The following PSD3 variants were observed in gnomAD, a reference collection of about 807,000 sequenced individuals.
PSD3 encodes pleckstrin and Sec7 domain containing 3.
A neutral mutation model predicts 105.5 loss-of-function variants in PSD3; 49 were observed. The ratio of observed to expected loss-of-function variants is 0.46; its 90% CI spans 0.37 to 0.59. PSD3 has a LOEUF of 0.59. PSD3 is among the 20% of genes least tolerant of loss of function. The pLI, the probability that PSD3 is intolerant of heterozygous loss-of-function variation, is 0.00. For missense variants in PSD3, 1,561 were observed against 1,263.8 expected, an observed-to-expected ratio of 1.24 and a Z score of -3.57; for synonymous variants, 557 against 457.8, an observed-to-expected ratio of 1.22 and a Z score of -2.77.
chr8:19,043,737 TC>T (rs1308347035), intron 1 of PSD3, among the ~76,000 whole-genome samples: 1 of 152,090 alleles, frequency 6.6e-6, no homozygotes, highest in Non-Finnish European at 1.5e-5. Flanking sequence ...TTTTGCCATT[TC>T]CCCTTTTGCC....
chr8:18,723,558 A>T (rs1267084695), intron 9 of PSD3, among the ~76,000 whole-genome samples: 4 of 152,186 alleles, frequency 2.6e-5, no homozygotes, highest in African/African-American at 9.7e-5. Context: ...CATATGACAG[A>T]GTTCCCTTTC....
intron 9 of PSD3, among the ~76,000 whole-genome samples, chr8:18,713,406 C>T (rs370176157): frequency 6.6e-6 from 1 of 152,170 alleles, no homozygotes; most frequent in East Asian, 1.9e-4. Flanking sequence ...TGAAAAGCTT[C>T]TTTACCTGAT....
chr8:18,651,516 C>T (rs923530748), intron 10 of PSD3, among the ~76,000 whole-genome samples: 1 of 152,184 alleles, frequency 6.6e-6, no homozygotes, highest in Admixed American at 6.5e-5. Context: ...CTTTCTATAG[C>T]CTTTTATGGA....
chr8:19,062,417 G>T (rs1035668109), intron 1 of PSD3, among the ~76,000 whole-genome samples: 1 of 152,116 alleles, frequency 6.6e-6, no homozygotes, highest in Non-Finnish European at 1.5e-5. Flanking sequence ...TTGCAGATGA[G>T]GAAACTGAAA....
chr8:19,075,859 C>T (rs755642385), intron 1 of PSD3, among the ~76,000 whole-genome samples: 8 of 151,956 alleles, frequency 5.3e-5, no homozygotes, highest in Non-Finnish European at 1.0e-4. Context: ...TATAAAGGAC[C>T]CAGAGAAACA....
At chr8:18,706,524 AAAG>A (rs941840455) in intron 9 of PSD3, among the ~76,000 whole-genome samples, 1 of 152,250 alleles carries the variant, frequency 6.6e-6, no homozygotes, top group African/African-American at 2.4e-5. Flanking sequence ...TTTGTCAGCC[AAAG>A]AAGATTAGCA....
chr8:18,600,197 T>G (rs2130567859), intron 12 of PSD3, among the ~76,000 whole-genome samples, 167 bp downstream of exon 12: 1 of 152,300 alleles, frequency 6.6e-6, no homozygotes, highest in African/African-American at 2.4e-5. Flanking sequence ...AACTTAAAAC[T>G]TAAAATCGTT....
At chr8:18,820,236 T>G (rs1051037390) in intron 4 of PSD3, among the ~76,000 whole-genome samples, 15 of 151,314 alleles carry the variant, frequency 9.9e-5, no homozygotes, top group Non-Finnish European at 1.6e-4. Flanking sequence ...TGGCATATTC[T>G]TTTCTGGCAG....
chr8:18,571,729 A>G (rs1431642376), intron 14 of PSD3, among the ~76,000 whole-genome samples: 1 of 152,204 alleles, frequency 6.6e-6, no homozygotes, highest in Non-Finnish European at 1.5e-5. Flanking sequence ...TATGATATCA[A>G]AGATGTATAG....
intron 1 of PSD3, among the ~76,000 whole-genome samples, chr8:19,082,374 C>A (rs1315182229): frequency 6.6e-6 from 1 of 152,174 alleles, no homozygotes; most frequent in Non-Finnish European, 1.5e-5. Flanking sequence ...CTACTGAGGG[C>A]CCCTTTCACT....
intron 2 of PSD3, among the ~76,000 whole-genome samples, chr8:18,912,351 A>G (rs1377301386): frequency 6.6e-6 from 1 of 152,202 alleles, no homozygotes; most frequent in Non-Finnish European, 1.5e-5. Context: ...CACAATGTTA[A>G]CCGCTACTGA....
intron 1 of PSD3, among the ~76,000 whole-genome samples, chr8:18,994,633 T>C (rs183989563): frequency 1.7e-3 from 266 of 152,134 alleles, no homozygotes; most frequent in African/African-American, 6.3e-3. Context: ...CACTAAGCTT[T>C]TGTCAAAATG....
At chr8:18,541,625 C>T (rs1048167365) in intron 15 of PSD3, among the ~76,000 whole-genome samples, 1 of 152,168 alleles carries the variant, frequency 6.6e-6, no homozygotes, top group African/African-American at 2.4e-5. Context: ...CGTGTCAGAT[C>T]CTCAACAGTG....
intron 12 of PSD3, among the ~76,000 whole-genome samples, chr8:18,577,356 T>C (rs906547364): frequency 1.3e-5 from 2 of 152,062 alleles, no homozygotes; most frequent in African/African-American, 2.4e-5. Context: ...TCCATAAACA[T>C]ACAAAAAATT....
intron 4 of PSD3, among the ~76,000 whole-genome samples, chr8:18,845,426 C>T (rs1452037737): frequency 6.6e-6 from 1 of 152,180 alleles, no homozygotes; most frequent in Non-Finnish European, 1.5e-5. Context: ...AGGGTGGCAA[C>T]TCCCTCATCA....
intron 1 of PSD3, among the ~76,000 whole-genome samples, chr8:19,023,416 T>C (rs866267663): frequency 0.023 from 3,371 of 146,234 alleles, 144 homozygotes; most frequent in African/African-American, 0.081. Context: ...TATTTATTTA[T>C]TTATTTATTT....
intron 1 of PSD3, among the ~76,000 whole-genome samples, chr8:19,029,265 A>G (rs1359234328): frequency 6.6e-6 from 1 of 152,180 alleles, no homozygotes; most frequent in Non-Finnish European, 1.5e-5. Context: ...GAAAATCTCA[A>G]CAATTTGTCT....
At chr8:18,927,539 A>G (rs1821450758) in intron 2 of PSD3, among the ~76,000 whole-genome samples, 1 of 152,158 alleles carries the variant, frequency 6.6e-6, no homozygotes, top group African/African-American at 2.4e-5. Flanking sequence ...AGGCTTCATC[A>G]CACAGGAAGG....
intron 1 of PSD3, among the ~76,000 whole-genome samples, chr8:19,001,340 T>C (rs1826378099): frequency 6.6e-6 from 1 of 151,692 alleles, no homozygotes; most frequent in Non-Finnish European, 1.5e-5. Context: ...TAGTTCTAGG[T>C]TCACAGTAAA....
Sources: gnomAD v4.1 joint callset for allele counts (sites outside exome capture counted in the v4.1 genomes callset) on GRCh38, gnomAD v4.1.1 for gene constraint, MANE v1.5 for transcripts, NCBI Gene and HGNC (gene_info 2026-07-23, HGNC 2026-07-21) for gene names.